SULF1: variants seen among roughly 807,000 people sequenced by gnomAD.
SULF1 encodes the protein sulfatase 1.
Under a neutral mutation model 110.5 loss-of-function variants are expected in SULF1, and 46 were observed. That is an observed-to-expected ratio of 0.42 (90% confidence interval 0.33 to 0.53). The LOEUF is 0.53. Ranked by LOEUF, SULF1 falls within the 20% of genes least tolerant of loss-of-function variation. The probability of loss-of-function intolerance (pLI) is 0.12; values close to 1 mark genes in which losing one functional copy is unlikely to be tolerated. For missense variants in SULF1, 941 were observed against 1,094.2 expected (o/e 0.86, Z 1.98); for synonymous variants, 371 against 387.1 (o/e 0.96, Z 0.49).
intron 1 of SULF1, among the ~76,000 whole-genome samples, chr8:69,494,846 C>T (rs1349379679): frequency 1.3e-5 from 2 of 150,742 alleles, no homozygotes; most frequent in Non-Finnish European, 2.9e-5. Context: ...TGCCACTGCA[C>T]CTCAGCCTGG....
intron 6 of SULF1, among the ~76,000 whole-genome samples, chr8:69,578,087 A>C (rs1341335618): frequency 6.6e-6 from 1 of 152,132 alleles, no homozygotes; most frequent in Non-Finnish European, 1.5e-5. Context: ...CCAGATGTTA[A>C]GAGCAAAAAT....
intron 3 of SULF1, among the ~76,000 whole-genome samples, chr8:69,547,194 G>A (rs1439004363): frequency 6.6e-6 from 1 of 152,004 alleles, no homozygotes; most frequent in African/African-American, 2.4e-5. Context: ...GTGGGGTGGG[G>A]TGGGGGAGGA....
chr8:69,634,546 A>G (rs1162407624), intron 19 of SULF1, among the ~76,000 whole-genome samples: 1 of 152,148 alleles, frequency 6.6e-6, no homozygotes, highest in Non-Finnish European at 1.5e-5. Flanking sequence ...AGGCAGGTGG[A>G]TCGCTTGAGC....
chr8:69,637,246 C>T (rs1316582527), intron 19 of SULF1, among the ~76,000 whole-genome samples: 1 of 152,180 alleles, frequency 6.6e-6, no homozygotes, highest in Non-Finnish European at 1.5e-5. Context: ...TGATTGCTCT[C>T]AAGGTCATTG....
rs140087072 is a variant in SULF1 at position 69,614,442 on chromosome 8, T to C, written c.1378-6593T>C. Among the ~76,000 whole-genome samples the C allele has an allele frequency of 2.6e-5, 4 of 152,320 alleles. No homozygotes were observed. The East Asian group carries it at 7.7e-4, about 29-fold the overall frequency. ...TAAATGAAAAATTCATAAAGAGTGCTCTAGAGCAGTACCTGCTATCAAGCA... is the reference window on the plus strand; with the variant it reads ...TAAATGAAAAATTCATAAAGAGTGCCCTAGAGCAGTACCTGCTATCAAGCA... On this transcript the variant is annotated intron_variant, in intron 13 of 22. Coordinates refer to ENST00000402687, the MANE Select transcript of SULF1 (RefSeq NM_001128205.2).
At chr8:69,551,783 G>A (rs1814733910) in intron 3 of SULF1, among the ~76,000 whole-genome samples, 1 of 152,124 alleles carries the variant, frequency 6.6e-6, no homozygotes, top group African/African-American at 2.4e-5. Flanking sequence ...AGCATCACCT[G>A]GGAACTTGCT....
chr8:69,492,571 T>G (rs918005321), upstream of SULF1, among the ~76,000 whole-genome samples: 1 of 152,188 alleles, frequency 6.6e-6, no homozygotes, highest in Admixed American at 6.5e-5. Flanking sequence ...CGGAACCACA[T>G]GCCTGGAAAC....
chr8:69,555,813 A>C (rs1247335047), intron 3 of SULF1, among the ~76,000 whole-genome samples: 1 of 152,214 alleles, frequency 6.6e-6, no homozygotes, highest in Non-Finnish European at 1.5e-5. Flanking sequence ...CTCGTAGTAC[A>C]AGATAGTGTT....
At chr8:69,658,462 C>A (rs11988316) in intron 22 of SULF1, 43 bp from the exon 23 acceptor site, 6 of 1,466,980 alleles carry the variant, frequency 4.1e-6, no homozygotes, top group African/African-American at 1.4e-5. Flanking sequence ...AAGTAGAAAG[C>A]CTTTTCTCCA....
chr8:69,600,060 AG>A (rs1807666517), intron 8 of SULF1, among the ~76,000 whole-genome samples: 1 of 152,226 alleles, frequency 6.6e-6, no homozygotes, highest in Admixed American at 6.5e-5. Context: ...GTCCAGTTAA[AG>A]TAATGGCATC....
chr8:69,560,726 C>T (rs796450261), intron 3 of SULF1, among the ~76,000 whole-genome samples: 7 of 152,288 alleles, frequency 4.6e-5, no homozygotes, highest in African/African-American at 1.7e-4. Context: ...ACTTTTTTCC[C>T]TTCTTTACTT....
At position 69,651,144 on chromosome 8, in the gene SULF1, T is replaced by G. The variant is rs1323074513; in HGVS notation, c.2586-7361T>G. On this transcript the variant is annotated intron_variant, in intron 22 of 22. Coordinates refer to ENST00000402687, the MANE Select transcript of SULF1 (RefSeq NM_001128205.2). ...TCTTGGCTCACTGTAACCTCCACTT[T>G]CTGGGTTCAAGCCATTCTTCTTCCT... is the stretch of plus-strand genomic sequence containing the variant. Among the ~76,000 whole-genome samples, 3 of 151,366 alleles carry G rather than the reference T, an allele frequency of 2.0e-5. No homozygotes were observed. The East Asian group carries it at 5.8e-4, about 29-fold the overall frequency.
At chr8:69,588,648 A>C (rs1255232794) in intron 7 of SULF1, among the ~76,000 whole-genome samples, 1 of 152,160 alleles carries the variant, frequency 6.6e-6, no homozygotes, top group Non-Finnish European at 1.5e-5. Flanking sequence ...CCGGTGTTTC[A>C]TGTGTTCTAG....
At chr8:69,550,928 T>C (rs16936068) in intron 3 of SULF1, among the ~76,000 whole-genome samples, 3,773 of 152,306 alleles carry the variant, frequency 0.025, 136 homozygotes, top group African/African-American at 0.084. Context: ...CAGTGTGGGA[T>C]GAAGGATTCA....
chr8:69,627,353 C>G (rs751393188), intron 16 of SULF1, 47 bp downstream of exon 16: 1 of 1,461,840 alleles, frequency 6.8e-7, no homozygotes. Flanking sequence ...AACTCAAACT[C>G]GGCCTGCCAG....
chr8:69,472,848 AT>A (rs1207319617), intron 1 of SULF1, among the ~76,000 whole-genome samples: 1 of 151,998 alleles, frequency 6.6e-6, no homozygotes, highest in Non-Finnish European at 1.5e-5. Flanking sequence ...ATTTAATTTA[AT>A]TTTTTGAGAC....
At chr8:69,610,690 G>A (rs2130466925) in intron 13 of SULF1, among the ~76,000 whole-genome samples, 1 of 152,310 alleles carries the variant, frequency 6.6e-6, no homozygotes, top group Non-Finnish European at 1.5e-5. Flanking sequence ...TTCTAAACAA[G>A]TCAAAAAAAG....
At chr8:69,635,096 G>A (rs1025274979) in intron 19 of SULF1, among the ~76,000 whole-genome samples, 5 of 152,142 alleles carry the variant, frequency 3.3e-5, no homozygotes, top group Non-Finnish European at 5.9e-5. Flanking sequence ...GCACCTGACC[G>A]TGTAAAAATA....
At chr8:69,500,402 T>C (rs1288602742) in intron 2 of SULF1, among the ~76,000 whole-genome samples, 2 of 152,180 alleles carry the variant, frequency 1.3e-5, no homozygotes, top group African/African-American at 4.8e-5. Context: ...GTGAATGCCA[T>C]AGCCTGGTAT....
Sources: gnomAD v4.1 joint callset for allele counts (sites outside exome capture counted in the v4.1 genomes callset) on GRCh38, gnomAD v4.1.1 for gene constraint, MANE v1.5 for transcripts, NCBI Gene and HGNC (gene_info 2026-07-23, HGNC 2026-07-21) for gene names.